The following CC2D2B variants were observed in gnomAD, a reference collection of about 807,000 sequenced individuals.
The protein encoded by CC2D2B is protein CC2D2B.
A neutral mutation model predicts 161.2 loss-of-function variants in CC2D2B; 128 were observed. That is an observed-to-expected ratio of 0.79 (90% CI 0.69 to 0.92). The LOEUF (loss-of-function observed/expected upper bound fraction) is 0.92. CC2D2B is among the 40% of genes least tolerant of loss of function. The pLI, the probability that CC2D2B is intolerant of heterozygous loss-of-function variation, is 0.00. For synonymous variants in CC2D2B, 391 were observed against 449.8 expected (o/e 0.87, Z 1.65); for missense variants, 1,173 against 1,375.1 (o/e 0.85, Z 2.32).
chr10:95,980,198 G>A (rs2077461682), intron 17 of CC2D2B, among the ~76,000 whole-genome samples: 1 of 142,168 alleles, frequency 7.0e-6, no homozygotes, highest in Non-Finnish European at 1.5e-5. Context: ...AGGAAGAGAG[G>A]AAGGGAGGGA....
chr10:96,021,692 T>C (rs547311172), intron 32 of CC2D2B: 10 of 152,310 alleles, frequency 6.6e-5, no homozygotes, highest in African/African-American at 2.4e-4. Context: ...TACATAGATA[T>C]GTGGTGATGT....
At chr10:96,015,480 C>T (rs77477195) in intron 29 of CC2D2B, among the ~76,000 whole-genome samples, 18,369 of 133,548 alleles carry the variant, frequency 0.14, 1,186 homozygotes, top group Middle Eastern at 0.18. Context: ...TTTTTTTTTT[C>T]AACAAAATCC....
chr10:95,995,442 C>CTCCATCTAT (rs1202650423), intron 23 of CC2D2B, 77 bp downstream of exon 23: 16 of 707,612 alleles, frequency 2.3e-5, no homozygotes, highest in Admixed American at 3.4e-5. Flanking sequence ...TAATTCATCT[C>CTCCATCTAT]TCCATCTATA....
At chr10:95,935,301 C>T (rs1020449760) in intron 6 of CC2D2B, among the ~76,000 whole-genome samples, 12 of 152,198 alleles carry the variant, frequency 7.9e-5, no homozygotes, top group African/African-American at 2.9e-4. Context: ...CTTACAAACC[C>T]TGTTGGTTCT....
rs948367402 is a variant in CC2D2B, at chr10:95,985,308, C to T, written c.2286+1499C>T. Among the ~76,000 whole-genome samples, 20 of 152,102 alleles carry T rather than the reference C, an allele frequency of 1.3e-4. No homozygotes were observed. The East Asian group carries it at 2.3e-3, about 18-fold the overall frequency. ...ACAGCATTGTCATTACAAATTGTTGCGGGAAGTCAGGGACCCCGAACGGAA... is the reference window on the plus strand; with the variant it reads ...ACAGCATTGTCATTACAAATTGTTGTGGGAAGTCAGGGACCCCGAACGGAA... On this transcript the variant is annotated intron_variant, in intron 19 of 34. Coordinates refer to ENST00000646931, the MANE Select transcript of CC2D2B (RefSeq NM_001349008.3).
At chr10:96,025,168 T>TATATAAAAAAAAAAA (rs1564683746) in intron 33 of CC2D2B, among the ~76,000 whole-genome samples, 8 of 12,520 alleles carry the variant, frequency 6.4e-4, no homozygotes, top group Non-Finnish European at 8.8e-4. Flanking sequence ...TATATATATA[T>TATATAAAAAAAAAAA]ATATATATAT....
At chr10:95,910,219 T>C (rs2098503590) in intron 1 of CC2D2B, among the ~76,000 whole-genome samples, 1 of 152,200 alleles carries the variant, frequency 6.6e-6, no homozygotes, top group South Asian at 2.1e-4. Context: ...GTCTGGGGAA[T>C]TGCATGAACT....
chr10:95,928,514 C>G (rs1293156274), intron 6 of CC2D2B, among the ~76,000 whole-genome samples: 1 of 152,102 alleles, frequency 6.6e-6, no homozygotes, highest in African/African-American at 2.4e-5. Flanking sequence ...CACCCATCAA[C>G]CCGTCATCTA....
intron 2 of CC2D2B, among the ~76,000 whole-genome samples, chr10:95,912,015 A>G (rs976420943): frequency 2.6e-5 from 4 of 152,190 alleles, no homozygotes; most frequent in African/African-American, 9.6e-5. Context: ...AAGAACGAAT[A>G]GTAGATTTTG....
Position 95,938,608 on chromosome 10 carries a change from G to A in CC2D2B, c.575G>A (p.Arg192His), listed in dbSNP as rs1401446399. 9.8e-6 allele frequency: 7 copies of A among 710,716 alleles called. No homozygotes were observed. The East Asian group carries it at 1.1e-4, about 11-fold the overall frequency. 44.0% of individuals were successfully genotyped at this position (710,716 alleles called of 1,614,324 possible). A position where few individuals can be genotyped will look rare whatever the true frequency, so the allele number is the denominator to read the frequency against. The part of the protein sequence containing the change: ...QRKLPKDMMP[R>H]ILEDEGFYIQ... ...AAACTGCCAAAAGATATGATGCCACGTATTCTAGAAGATGAAGGATTCTAT... is the reference window on the plus strand; with the variant it reads ...AAACTGCCAAAAGATATGATGCCACATATTCTAGAAGATGAAGGATTCTAT... Residue 192 changes from arginine to histidine, a missense_variant, in exon 8 of 35, where the codon CGT becomes CAT. By Grantham distance (29) the Arg-to-His change is conservative. Transcript: ENST00000646931.
At chr10:96,018,176 CATAA>C (rs1429213908) in intron 30 of CC2D2B, among the ~76,000 whole-genome samples, 1 of 152,120 alleles carries the variant, frequency 6.6e-6, no homozygotes, top group Non-Finnish European at 1.5e-5. Context: ...ATCTGATGCA[CATAA>C]ATACTCAATA....
intron 25 of CC2D2B, among the ~76,000 whole-genome samples, chr10:96,007,834 G>A (rs554665152): frequency 6.6e-6 from 1 of 152,170 alleles, no homozygotes; most frequent in East Asian, 1.9e-4. Context: ...GGGAGGGGTG[G>A]TGGTGGTAGT....
intron 19 of CC2D2B, among the ~76,000 whole-genome samples, chr10:95,987,813 T>C (rs1213320482): frequency 6.6e-6 from 1 of 152,200 alleles, no homozygotes; most frequent in African/African-American, 2.4e-5. Context: ...GAGCAGTTAA[T>C]CAACTTTTCC....
intron 9 of CC2D2B, among the ~76,000 whole-genome samples, chr10:95,947,430 T>G (rs2076259719): frequency 6.9e-6 from 1 of 145,262 alleles, no homozygotes; most frequent in Non-Finnish European, 1.6e-5. Flanking sequence ...CTTTACTTTC[T>G]TAATAAACTT....
At chr10:95,998,490 A>C (rs763599359) in intron 24 of CC2D2B, among the ~76,000 whole-genome samples, 1 of 152,184 alleles carries the variant, frequency 6.6e-6, no homozygotes, top group Non-Finnish European at 1.5e-5. Context: ...TGCCTTTTAA[A>C]GAATGTCATT....
intron 17 of CC2D2B, among the ~76,000 whole-genome samples, chr10:95,977,927 A>G (rs1400115357): frequency 6.6e-6 from 1 of 152,198 alleles, no homozygotes; most frequent in Admixed American, 6.5e-5. Flanking sequence ...GAAGGGAGAA[A>G]TGAGGAGTTA....
At chr10:95,998,379 A>G (rs2078315561) in intron 24 of CC2D2B, among the ~76,000 whole-genome samples, 1 of 152,160 alleles carries the variant, frequency 6.6e-6, no homozygotes, top group Non-Finnish European at 1.5e-5. Flanking sequence ...ATCACACAGA[A>G]TGGTTACACT....
chr10:95,932,897 T>A (rs1052448574), intron 6 of CC2D2B, among the ~76,000 whole-genome samples: 1 of 152,196 alleles, frequency 6.6e-6, no homozygotes, highest in Non-Finnish European at 1.5e-5. Context: ...TGTGGTATTC[T>A]CTGTATTTCC....
At chr10:95,924,533 A>G (rs763328047) in intron 4 of CC2D2B, 143 bp downstream of exon 4, 2 of 592,788 alleles carry the variant, frequency 3.4e-6, no homozygotes, top group Non-Finnish European at 3.0e-6. Flanking sequence ...CTCTCTCTAT[A>G]TATATATTTT....
Sources: gnomAD v4.1 joint callset for allele counts (sites outside exome capture counted in the v4.1 genomes callset) on GRCh38, gnomAD v4.1.1 for gene constraint, MANE v1.5 for transcripts, NCBI Gene and HGNC (gene_info 2026-07-23, HGNC 2026-07-21) for gene names.